The following NLGN3 variants were observed in gnomAD, a reference collection of about 807,000 sequenced individuals.
NLGN3 encodes the protein neuroligin 3.
In NLGN3, 11 loss-of-function variants were observed where a neutral mutation model predicts 42.9. The ratio of observed to expected loss-of-function variants is 0.26; its 90% CI spans 0.16 to 0.42. The LOEUF (loss-of-function observed/expected upper bound fraction) is 0.42. Among genes scored for constraint, NLGN3 ranks in the 10% least tolerant of loss-of-function variants. The pLI is 1.00. For missense variants in NLGN3, 374 were observed against 733.8 expected (o/e 0.51, Z 5.67); for synonymous variants, 279 against 312.7 (o/e 0.89, Z 1.14).
chrX:71,166,878 C>A, intron 6 of NLGN3, 133 bp from the exon 7 acceptor site: 1 of 572,956 alleles, frequency 1.7e-6, no homozygotes, highest in Non-Finnish European at 2.9e-6. Flanking sequence ...CCTACATCAT[C>A]CCCTGCCAAA....
At chrX:71,146,168 CACAG>C (rs756339189) in intron 1 of NLGN3, among the ~76,000 whole-genome samples, 14,528 of 48,396 alleles carry the variant, frequency 0.3, 1,873 homozygotes, top group Middle Eastern at 0.45. Context: ...CACACACACA[CACAG>C]ACACACACAC....
intron 5 of NLGN3, among the ~76,000 whole-genome samples, chrX:71,157,337 T>C (rs866870980): frequency 1.8e-5 from 2 of 109,054 alleles, no homozygotes; most frequent in Non-Finnish European, 3.8e-5. Context: ...TTTTATTTTG[T>C]TTTTGAGGCA....
At position 71,147,769 on chromosome X, in the gene NLGN3, C is replaced by T. The variant is rs199925687; in HGVS notation, c.20C>T (p.Pro7Leu). 276 of 1,206,182 alleles carry T rather than the reference C, an allele frequency of 2.3e-4. No homozygotes were observed. Among genetic ancestry groups the T allele is most frequent in the Non-Finnish European group, 3.0e-4 (266 of 893,901 alleles). Residue 7 changes from proline to leucine, a missense_variant, in exon 2 of 8, where the codon CCG becomes CTG. By Grantham distance (98) the Pro-to-Leu change is moderately conservative. Transcript: ENST00000358741. ...CGGAACATGTGGCTGCGGCTTGGCC[C>T]GCCCTCGCTGTCCCTGAGCCCCAAG... is the stretch of plus-strand genomic sequence containing the variant. MWLRLG[P>L]PSLSLSPKPT... is the part of the protein sequence containing the mutation.
intron 5 of NLGN3, among the ~76,000 whole-genome samples, chrX:71,158,570 T>C (rs925625635): frequency 3.6e-5 from 4 of 112,084 alleles, no homozygotes; most frequent in Admixed American, 1.9e-4. Context: ...ATAAGGTTTA[T>C]TGGAAAATAC....
chrX:71,164,041 T>G (rs1338553531), intron 5 of NLGN3, 102 bp from the exon 6 acceptor site: 2 of 735,095 alleles, frequency 2.7e-6, no homozygotes, highest in East Asian at 6.7e-5. Context: ...CACTGCGTGC[T>G]CATTCTCTAT....
chrX:71,171,048 C>A lies in NLGN3; in HGVS notation c.*951C>A. ...TCTTTTGTGTCTGTCATTTCTCTTTCAAAAAGGCGGTGTTTTTTGTTGTTG... is the reference window on the plus strand; with the variant it reads ...TCTTTTGTGTCTGTCATTTCTCTTTAAAAAAGGCGGTGTTTTTTGTTGTTG... On this transcript the variant is annotated 3_prime_UTR_variant, in exon 8 of 8. Transcript: ENST00000358741. 1.3e-6 allele frequency: 1 copy of A among 749,080 alleles called. No homozygotes were observed. Among genetic ancestry groups the A allele is most frequent in the Non-Finnish European group, 1.6e-6 (1 of 636,900 alleles). The allele number at this position is 749,080 out of a possible 1,213,427, so 61.7% of individuals were successfully genotyped here.
intron 5 of NLGN3, among the ~76,000 whole-genome samples, chrX:71,162,886 G>T (rs1004818276): frequency 8.9e-6 from 1 of 111,763 alleles, no homozygotes; most frequent in Non-Finnish European, 1.9e-5. Context: ...TTTAACTGGG[G>T]AGTAAAAAAT....
Position 71,166,995 on chromosome X carries a change from T to C in NLGN3, c.914-16T>C. 1.7e-6 allele frequency: 2 copies of C among 1,171,041 alleles called. No homozygotes were observed. Among genetic ancestry groups the C allele is most frequent in the Non-Finnish European group, 2.3e-6 (2 of 872,912 alleles). On this transcript the variant is annotated splice_polypyrimidine_tract_variant and intron_variant, in intron 6 of 7. Coordinates refer to ENST00000358741, the MANE Select transcript of NLGN3 (RefSeq NM_181303.2). ...TGACACGACAGATCTGACCTGGTGC[T>C]ACCTGTCTTCTGTAGGACTTTTCCA...
At chrX:71,156,801 C>A (rs2092410934) in intron 5 of NLGN3, among the ~76,000 whole-genome samples, 1 of 111,539 alleles carries the variant, frequency 9.0e-6, no homozygotes, top group Non-Finnish European at 1.9e-5. Context: ...TGCATATGCA[C>A]TCATTGCCGA....
At chrX:71,150,718 A>AAAAAG (rs1556344301) in intron 3 of NLGN3, among the ~76,000 whole-genome samples, 95 of 102,795 alleles carry the variant, frequency 9.2e-4, no homozygotes, top group Admixed American at 1.6e-3. Flanking sequence ...AAAAAAAAAA[A>AAAAAG]AAAAGAAAGA....
chrX:71,154,441 G>A (rs955327410), intron 4 of NLGN3, among the ~76,000 whole-genome samples: 1 of 112,554 alleles, frequency 8.9e-6, no homozygotes, highest in Non-Finnish European at 1.9e-5. Context: ...CCCTGATGCC[G>A]TGCCGCCTGG....
chrX:71,147,097 G>A (rs139269684), intron 1 of NLGN3, among the ~76,000 whole-genome samples: 368 of 111,362 alleles, frequency 3.3e-3, no homozygotes, highest in Non-Finnish European at 5.7e-3. Flanking sequence ...TTAGTGTCCC[G>A]GAGTGAGGTT....
chrX:71,168,846 AAAG>A (rs1300970185), intron 7 of NLGN3, among the ~76,000 whole-genome samples: 8 of 89,577 alleles, frequency 8.9e-5, no homozygotes, highest in East Asian at 3.0e-4. Context: ...AGAAAGAAAG[AAAG>A]AAAGAAAGAA....
chrX:71,173,224 A>G (rs1476575079), downstream of NLGN3, among the ~76,000 whole-genome samples: 1 of 110,733 alleles, frequency 9.0e-6, no homozygotes, highest in African/African-American at 3.3e-5. Context: ...AGTGCTCTCT[A>G]TTTTGGGAAG....
intron 1 of NLGN3, among the ~76,000 whole-genome samples, chrX:71,146,172 G>GACACACACACACAC (rs1168453634): frequency 1.0e-3 from 39 of 38,209 alleles, no homozygotes; most frequent in Admixed American, 3.4e-3. Context: ...CACACACACA[G>GACACACACACACAC]ACACACACAC....
At chrX:71,163,217 T>TG (rs967640555) in intron 5 of NLGN3, among the ~76,000 whole-genome samples, 5 of 109,191 alleles carry the variant, frequency 4.6e-5, no homozygotes, top group African/African-American at 1.0e-4. Flanking sequence ...CAAATTCCAG[T>TG]GGGGGGGCGG....
rs2092375285 is a variant in NLGN3 at position 71,147,589 on chromosome X, G to C, written c.-161G>C. The C allele has an allele frequency of 2.0e-6, 1 of 492,832 alleles. No homozygotes were observed. Among genetic ancestry groups the C allele is most frequent in the African/African-American group, 2.3e-5 (1 of 42,794 alleles). 40.6% of individuals were successfully genotyped at this position (492,832 alleles called of 1,213,427 possible). A position where few individuals can be genotyped will look rare whatever the true frequency, so the allele number is the denominator to read the frequency against. Reference sequence around the variant, plus strand: ...GAGGGAGTCCCCTTTCTGAAGCTGTGGTGCTTGGACGACCTGCTCTCTACA... The same window carrying C: ...GAGGGAGTCCCCTTTCTGAAGCTGTCGTGCTTGGACGACCTGCTCTCTACA... On this transcript the variant is annotated 5_prime_UTR_variant, in exon 2 of 8. Transcript: ENST00000358741.
At chrX:71,150,701 C>CAAA (rs1174331159) in intron 3 of NLGN3, among the ~76,000 whole-genome samples, 2 of 29,194 alleles carry the variant, frequency 6.9e-5, no homozygotes, top group African/African-American at 1.3e-4. Flanking sequence ...GACTCCATCT[C>CAAA]AAAAAAAAAA....
chrX:71,172,033 G>C (rs2092472046), downstream of NLGN3, among the ~76,000 whole-genome samples: 2 of 111,654 alleles, frequency 1.8e-5, no homozygotes, highest in East Asian at 5.6e-4. Context: ...TGTTCAGAGA[G>C]GACGAACACA....
Sources: gnomAD v4.1 joint callset for allele counts (sites outside exome capture counted in the v4.1 genomes callset) on GRCh38, gnomAD v4.1.1 for gene constraint, MANE v1.5 for transcripts, NCBI Gene and HGNC (gene_info 2026-07-23, HGNC 2026-07-21) for gene names.